Variants in B3GLCT observed in about 807,000 individuals in gnomAD.
The protein encoded by B3GLCT is beta 3-glucosyltransferase, also known as beta-1,3-glucosyltransferase.
Under a neutral mutation model 63.4 loss-of-function variants are expected in B3GLCT, and 65 were observed. The ratio of observed to expected loss-of-function variants is 1.03; its 90% CI spans 0.84 to 1.26. The LOEUF (loss-of-function observed/expected upper bound fraction) is 1.26. B3GLCT is among the 50% of genes most tolerant of loss of function. The pLI is 0.00. For missense variants in B3GLCT, 577 were observed against 604.8 expected, an observed-to-expected ratio of 0.95 and a Z score of 0.48; for synonymous variants, 233 against 219.2, an observed-to-expected ratio of 1.06 and a Z score of -0.55.
intron 1 of B3GLCT, among the ~76,000 whole-genome samples, chr13:31,208,567 C>T (rs1310142724): frequency 6.8e-6 from 1 of 147,914 alleles, no homozygotes; most frequent in Non-Finnish European, 1.5e-5. Flanking sequence ...TCCCGTCTCA[C>T]CCCCCACCCG....
intron 4 of B3GLCT, 84 bp from the exon 5 acceptor site, chr13:31,246,939 T>C (rs1043146165): frequency 2.0e-6 from 2 of 1,012,480 alleles, no homozygotes; most frequent in African/African-American, 1.9e-5. Flanking sequence ...CTTTTTTCTT[T>C]TCTTTTCTTT....
At chr13:31,328,958 A>C (rs1875775617) in intron 14 of B3GLCT, among the ~76,000 whole-genome samples, 1 of 152,164 alleles carries the variant, frequency 6.6e-6, no homozygotes, top group Non-Finnish European at 1.5e-5. Flanking sequence ...CTGGAACTAG[A>C]CTAGATATTT....
chr13:31,283,638 A>G (rs1566080272), intron 10 of B3GLCT, among the ~76,000 whole-genome samples: 1 of 151,946 alleles, frequency 6.6e-6, no homozygotes, highest in Non-Finnish European at 1.5e-5. Context: ...TTATAAAATG[A>G]TGCACTTCTG....
chr13:31,209,040 C>T (rs1347076043), intron 1 of B3GLCT, among the ~76,000 whole-genome samples: 2 of 152,134 alleles, frequency 1.3e-5, no homozygotes, highest in Non-Finnish European at 2.9e-5. Flanking sequence ...GTGTGTTGAC[C>T]CTGCCATTGG....
intron 12 of B3GLCT, among the ~76,000 whole-genome samples, chr13:31,298,577 A>G (rs1165392729): frequency 6.6e-6 from 1 of 152,158 alleles, no homozygotes; most frequent in African/African-American, 2.4e-5. Context: ...GATTTCCCTC[A>G]ATTTATAACC....
In B3GLCT at chr13:31,268,966, T is replaced by C. The variant is rs572883132; in HGVS notation, c.597-248T>C. On this transcript the variant is annotated intron_variant, in intron 7 of 14. Transcript: ENST00000343307. Reference sequence around the variant, plus strand: ...GACTTTTTTCCCCAAGGCATTGTATTGTATTGTACGTTGTTTGGCAGATGT... The same window carrying C: ...GACTTTTTTCCCCAAGGCATTGTATCGTATTGTACGTTGTTTGGCAGATGT... Among the ~76,000 whole-genome samples the C allele has an allele frequency of 3.3e-5, 5 of 152,330 alleles. No individual in the cohort carries two copies. In the South Asian group the frequency reaches 1.0e-3, roughly 32 times the overall value.
At chr13:31,213,621 A>ACCCCCC (rs71099943) in intron 1 of B3GLCT, among the ~76,000 whole-genome samples, 24 of 55,044 alleles carry the variant, frequency 4.4e-4, no homozygotes, top group African/African-American at 5.3e-4. Flanking sequence ...CCCCCACCCC[A>ACCCCCC]CCCCCCCCCC....
chr13:31,278,123 T>A lies in B3GLCT; in HGVS notation c.850+1352T>A, dbSNP rs574310586. Among the ~76,000 whole-genome samples the A allele has an allele frequency of 2.0e-5, 3 of 152,336 alleles. No homozygotes were observed. In the East Asian group the frequency reaches 5.8e-4, roughly 29 times the overall value. Reference sequence around the variant, plus strand: ...GAATTGATTTAATTGATCTTGAAGCTACACTTGGAGTAGTGATTGTTTTCA... The same window carrying A: ...GAATTGATTTAATTGATCTTGAAGCAACACTTGGAGTAGTGATTGTTTTCA... On this transcript the variant is annotated intron_variant, in intron 10 of 14. Transcript: ENST00000343307.
chr13:31,285,711 A>G (rs1238676540), intron 11 of B3GLCT, among the ~76,000 whole-genome samples: 4 of 152,018 alleles, frequency 2.6e-5, no homozygotes, highest in African/African-American at 9.7e-5. Context: ...TTAATATAGT[A>G]CAATGCAGAA....
intron 12 of B3GLCT, among the ~76,000 whole-genome samples, chr13:31,311,836 C>T (rs1268547016): frequency 6.6e-6 from 1 of 152,164 alleles, no homozygotes; most frequent in Non-Finnish European, 1.5e-5. Context: ...GCCATAGGCA[C>T]ACAGGTTCAA....
chr13:31,252,020 C>T (rs1258420942), intron 6 of B3GLCT, among the ~76,000 whole-genome samples: 1 of 152,170 alleles, frequency 6.6e-6, no homozygotes, highest in Non-Finnish European at 1.5e-5. Context: ...GCGGATCTCT[C>T]AGCAGAAACC....
At chr13:31,283,744 A>G (rs2137875670) in intron 10 of B3GLCT, among the ~76,000 whole-genome samples, 1 of 152,266 alleles carries the variant, frequency 6.6e-6, no homozygotes, top group African/African-American at 2.4e-5. Context: ...GTTTTTGTAT[A>G]TATTTCTATT....
chr13:31,251,075 A>T (rs1871406211), intron 6 of B3GLCT, among the ~76,000 whole-genome samples: 1 of 152,192 alleles, frequency 6.6e-6, no homozygotes, highest in South Asian at 2.1e-4. Flanking sequence ...GGCAAACAGG[A>T]TCTGGAACGG....
chr13:31,309,877 C>G (rs1277542088), intron 12 of B3GLCT, among the ~76,000 whole-genome samples: 2 of 152,176 alleles, frequency 1.3e-5, no homozygotes, highest in Non-Finnish European at 2.9e-5. Flanking sequence ...CTTGGCCTCT[C>G]TGTGTAGTAT....
At position 31,274,853 on chromosome 13, in the gene B3GLCT, C is replaced by A. The variant is rs368392557; in HGVS notation, c.780+225C>A. Among the ~76,000 whole-genome samples the A allele has an allele frequency of 1.1e-4, 16 of 152,260 alleles. No individual in the cohort carries two copies. In the East Asian group the frequency reaches 2.9e-3, roughly 28 times the overall value. ...GAAGTTTTCAAACCTTGCTCTTCTT[C>A]CTTCCTCCCCTTTTTAGAGTCCCCA... is the stretch of plus-strand genomic sequence containing the variant. On this transcript the variant is annotated intron_variant, in intron 9 of 14. Coordinates refer to ENST00000343307, the MANE Select transcript of B3GLCT (RefSeq NM_194318.4).
rs200720428 is a variant in B3GLCT, at chr13:31,247,289, C to CT, written c.347+199dup. Among the ~76,000 whole-genome samples, 6,289 of 151,040 alleles carry CT rather than the reference C, an allele frequency of 0.042. 145 individuals carry two copies. Among genetic ancestry groups the CT allele is most frequent in the Non-Finnish European group, 0.051 (3,435 of 67,700 alleles). On this transcript the variant is annotated intron_variant, in intron 5 of 14. Coordinates refer to ENST00000343307, the MANE Select transcript of B3GLCT (RefSeq NM_194318.4). ...GGTTCTTAATCATGAATAGCTTTTT[C>CT]TTTTTTTTTGGAGACAGAGTCTCGC... is the stretch of plus-strand genomic sequence containing the variant.
In B3GLCT at chr13:31,199,986, A is replaced by AGCCGCGGCGGCAGG. The variant is rs1868537712; in HGVS notation, c.-96_-83dup. 4.5e-6 allele frequency: 3 copies of AGCCGCGGCGGCAGG among 669,668 alleles called. No homozygotes were observed. The African/African-American group carries it at 5.8e-5, about 13-fold the overall frequency. 41.5% of individuals were successfully genotyped at this position (669,668 alleles called of 1,614,324 possible). A position where few individuals can be genotyped will look rare whatever the true frequency, so the allele number is the denominator to read the frequency against. ...GGAGGGGAGCCGGCAGAGAAGGGTC[A>AGCCGCGGCGGCAGG]GCCGCGGCGGCAGGGCGGCGGCGGC... is the stretch of plus-strand genomic sequence containing the variant. On this transcript the variant is annotated 5_prime_UTR_variant, in exon 1 of 15. Coordinates refer to ENST00000343307, the MANE Select transcript of B3GLCT (RefSeq NM_194318.4).
At chr13:31,292,175 T>C (rs978248317) in intron 12 of B3GLCT, among the ~76,000 whole-genome samples, 1 of 152,234 alleles carries the variant, frequency 6.6e-6, no homozygotes, top group Non-Finnish European at 1.5e-5. Context: ...GACTTGATCA[T>C]GGTAGACAAG....
intron 12 of B3GLCT, among the ~76,000 whole-genome samples, chr13:31,308,852 G>T (rs541449838): frequency 4.7e-4 from 72 of 152,298 alleles, no homozygotes; most frequent in Non-Finnish European, 1.5e-4. Flanking sequence ...CTTGTGCCAT[G>T]GTTCTGAGGC....
Sources: allele counts gnomAD v4.1 joint callset (sites outside exome capture counted in the v4.1 genomes callset), GRCh38; gene constraint gnomAD v4.1.1; transcripts MANE v1.5; gene names NCBI Gene and HGNC (gene_info 2026-07-23, HGNC 2026-07-21).